The following SEL1L variants were observed in gnomAD, a reference collection of about 807,000 sequenced individuals.
SEL1L encodes the protein protein sel-1 homolog 1.
SEL1L carries 52 observed loss-of-function variants against 109.8 expected under a neutral mutation model. The ratio of observed to expected loss-of-function variants is 0.47; its 90% CI spans 0.38 to 0.60. The LOEUF (loss-of-function observed/expected upper bound fraction) is 0.60, where lower values mean the gene tolerates loss of function less well. Among genes scored for constraint, SEL1L ranks in the 20% least tolerant of loss-of-function variants. The pLI is 0.00. For missense variants in SEL1L, 749 were observed against 962.2 expected, an observed-to-expected ratio of 0.78 and a Z score of 2.93; for synonymous variants, 373 against 339.6, an observed-to-expected ratio of 1.10 and a Z score of -1.08.
chr14:81,531,001 T>A (rs1051814762), intron 1 of SEL1L, among the ~76,000 whole-genome samples: 1 of 152,198 alleles, frequency 6.6e-6, no homozygotes, highest in African/African-American at 2.4e-5. Flanking sequence ...AACATATACC[T>A]GTCTAGGGCA....
At position 81,499,334 on chromosome 14, in the gene SEL1L, T is replaced by C. The variant is rs976519863; in HGVS notation, c.891+125A>G. On this transcript the variant is annotated intron_variant, in intron 8 of 20. Transcript: ENST00000336735. ...CCATTAACAAGAATTTGAAGGAAGTTCAACTGAATATTTGGTCTTAATACA... is the reference window on the plus strand; with the variant it reads ...CCATTAACAAGAATTTGAAGGAAGTCCAACTGAATATTTGGTCTTAATACA... 1.3e-5 allele frequency: 19 copies of C among 1,440,432 alleles called. No individual in the cohort carries two copies. In the East Asian group the frequency reaches 4.7e-4, roughly 35 times the overall value. The allele number at this position is 1,440,432 out of a possible 1,614,324, so 89.2% of individuals were successfully genotyped here.
At position 81,502,781 on chromosome 14, in the gene SEL1L, G is replaced by C. The variant is rs1228316208; in HGVS notation, c.717C>G (p.Ile239Met). Residue 239 changes from isoleucine (I) to methionine (M), a missense_variant, in exon 6 of 21, where the codon ATC (isoleucine) becomes ATG (methionine). This residue lies in a region of SEL1L where 366 missense variants were observed against 399.8 expected (regional missense o/e 0.92). Transcript: ENST00000336735. ...TCTCAAACATCTCTCTCGCTGCCTG[G>C]ATATTCTGTGGCAAGTAATCACCAA... Reference protein sequence around the residue: ...LLFGDYLPQNIQAAREMFEKL... With the variant: ...LLFGDYLPQNMQAAREMFEKL... 1 of 1,614,068 alleles carries C rather than the reference G, an allele frequency of 6.2e-7. No individual in the cohort carries two copies.
intron 14 of SEL1L, chr14:81,488,935 T>C (rs1295870020): frequency 3.1e-6 from 1 of 323,278 alleles, no homozygotes; most frequent in African/African-American, 2.2e-5. Flanking sequence ...CAGGATTGAG[T>C]AAAAAAGCAG....
Position 81,527,722 on chromosome 14 carries a change from C to T in SEL1L, c.87G>A (p.Gln29=). 1.2e-6 allele frequency: 2 copies of T among 1,603,274 alleles called. No homozygotes were observed. Among genetic ancestry groups the T allele is most frequent in the Non-Finnish European group, 1.7e-6 (2 of 1,174,922 alleles). The change falls in exon 2 of 21, where the codon CAG becomes CAA. Residue 29 remains glutamine, a synonymous_variant. Coordinates refer to ENST00000336735, the MANE Select transcript of SEL1L (RefSeq NM_005065.6). The part of the protein sequence containing the change: ...ASASSDEEGS[Q]DESLDSKTTL... ...ATACCTTGGAATCTAAGGATTCATCCTGGCTGCCTTCTTCATCTGCAAAGA... is the reference window on the plus strand; with the variant it reads ...ATACCTTGGAATCTAAGGATTCATCTTGGCTGCCTTCTTCATCTGCAAAGA...
chr14:81,518,712 G>A lies in SEL1L; in HGVS notation c.340+8021C>T, dbSNP rs1884800927. 1.3e-5 allele frequency among the ~76,000 whole-genome samples: 2 copies of A among 149,474 alleles called. 1 individual carries two copies. Among genetic ancestry groups the A allele is most frequent in the South Asian group, 4.2e-4 (2 of 4,788 alleles). On this transcript the variant is annotated intron_variant, in intron 3 of 20. Transcript: ENST00000336735. Reference sequence around the variant, plus strand: ...AAGATTAGAAAGGTTAAAACTTAGGGAGGAAGCCTATTGTTTTTCTAAGAT... The same window carrying A: ...AAGATTAGAAAGGTTAAAACTTAGGAAGGAAGCCTATTGTTTTTCTAAGAT...
chr14:81,488,631 TG>T (rs926364851), intron 14 of SEL1L, among the ~76,000 whole-genome samples: 3 of 152,060 alleles, frequency 2.0e-5, no homozygotes, highest in African/African-American at 7.2e-5. Flanking sequence ...AAGGATGAGA[TG>T]CAATGGCCAA....
chr14:81,484,629 GGT>G (rs1249573897), intron 18 of SEL1L: 12 of 401,746 alleles, frequency 3.0e-5, no homozygotes, highest in South Asian at 4.2e-5. Context: ...AAACCAAGTT[GGT>G]GTGTGTGTAG....
intron 6 of SEL1L, among the ~76,000 whole-genome samples, chr14:81,502,076 T>C (rs936383162): frequency 6.6e-6 from 1 of 151,892 alleles, no homozygotes; most frequent in African/African-American, 2.4e-5. Context: ...AAGAAAATTT[T>C]TGGGTTCAAC....
intron 3 of SEL1L, among the ~76,000 whole-genome samples, chr14:81,516,581 C>T (rs76837087): frequency 0.031 from 4,675 of 152,240 alleles, 249 homozygotes; most frequent in African/African-American, 0.11. Flanking sequence ...AAATTCCGGA[C>T]ACGCCACCAT....
chr14:81,505,352 C>T (rs977228836), intron 4 of SEL1L, among the ~76,000 whole-genome samples: 1 of 152,084 alleles, frequency 6.6e-6, no homozygotes, highest in Non-Finnish European at 1.5e-5. Flanking sequence ...ACAAACATTT[C>T]ATTAGAACCA....
chr14:81,489,338 A>G lies in SEL1L; in HGVS notation c.1333-24T>C, dbSNP rs748782749. On this transcript the variant is annotated intron_variant, in intron 13 of 20. Coordinates refer to ENST00000336735, the MANE Select transcript of SEL1L (RefSeq NM_005065.6). The stretch of plus-strand genomic sequence containing the variant: ...CCCTGCAAAGCAGAGAAATCAGACA[A>G]AAGAGTGAAAAGAATTCATTCAAAA... The G allele has an allele frequency of 5.0e-6, 8 of 1,592,046 alleles. No individual in the cohort carries two copies. The East Asian group carries it at 1.3e-4, about 27-fold the overall frequency.
intron 14 of SEL1L, 46 bp downstream of exon 14, chr14:81,489,206 C>T (rs779724881): frequency 6.5e-7 from 1 of 1,540,824 alleles, no homozygotes; most frequent in South Asian, 1.1e-5. Flanking sequence ...CCCTACCTCT[C>T]CAGCTGACTG....
chr14:81,504,491 A>G (rs1365724050), intron 4 of SEL1L, among the ~76,000 whole-genome samples, 185 bp from the exon 5 acceptor site: 3 of 151,776 alleles, frequency 2.0e-5, no homozygotes, highest in Non-Finnish European at 4.4e-5. Flanking sequence ...AAAAAAATAT[A>G]TATATATATA....
intron 10 of SEL1L, among the ~76,000 whole-genome samples, chr14:81,496,256 G>A (rs955788900): frequency 1.1e-4 from 16 of 151,872 alleles, no homozygotes; most frequent in South Asian, 4.1e-4. Flanking sequence ...CCTGGGAGGC[G>A]GGGCTTGCAG....
intron 1 of SEL1L, among the ~76,000 whole-genome samples, chr14:81,529,098 G>A (rs922824308): frequency 4.6e-5 from 7 of 152,074 alleles, no homozygotes; most frequent in African/African-American, 1.7e-4. Context: ...TTTTACTTCT[G>A]GCAGGTGGAG....
chr14:81,502,790 T>G lies in SEL1L; in HGVS notation c.708A>C (p.Pro236=), dbSNP rs761440418. The G allele has an allele frequency of 1.9e-5, 30 of 1,614,062 alleles. No homozygotes were observed. The highest frequency in any genetic ancestry group is 2.4e-5 in the Non-Finnish European group (28 of 1,180,020). The part of the protein sequence containing the change: ...SYALLFGDYL[P]QNIQAAREMF... ...TCTCTCTCGCTGCCTGGATATTCTGTGGCAAGTAATCACCAAATAAAAGAG... is the reference window on the plus strand; with the variant it reads ...TCTCTCTCGCTGCCTGGATATTCTGGGGCAAGTAATCACCAAATAAAAGAG... Residue 236 remains proline, a synonymous_variant, in exon 6 of 21, where the codon CCA becomes CCC. Transcript: ENST00000336735.
At chr14:81,527,011 C>T (rs768460815) in intron 2 of SEL1L, 47 bp from the exon 3 acceptor site, 8 of 1,392,090 alleles carry the variant, frequency 5.7e-6, no homozygotes, top group Admixed American at 5.3e-5. Flanking sequence ...CAAGACTTTC[C>T]CCAACCCTAT....
rs1171273109 is a variant in SEL1L at position 81,533,728 on chromosome 14, C to T, written c.17G>A (p.Gly6Glu). Reference sequence around the variant, plus strand: ...CACCGCACACAGCAGCAGCGTCAGCCCTATCCGGACCCGCATCCTCCTCTC... The same window carrying T: ...CACCGCACACAGCAGCAGCGTCAGCTCTATCCGGACCCGCATCCTCCTCTC... MRVRIGLTLLLCAVLL... is the reference protein window; with the variant it reads MRVRIELTLLLCAVLL... Residue 6 changes from glycine to glutamate, a missense_variant, in exon 1 of 21, where the codon GGG becomes GAG. Gly to Glu is a moderately conservative substitution (Grantham distance 98). Coordinates refer to ENST00000336735, the MANE Select transcript of SEL1L (RefSeq NM_005065.6). 16 of 1,613,442 alleles carry T rather than the reference C, an allele frequency of 9.9e-6. No individual in the cohort carries two copies. The highest frequency in any genetic ancestry group is 3.3e-5 in the South Asian group (3 of 91,068).
Position 81,486,374 on chromosome 14 carries a change from G to A in SEL1L, c.1713C>T (p.Tyr571=), listed in dbSNP as rs765990971. Residue 571 remains tyrosine, a synonymous_variant, in exon 17 of 21, where the codon TAC becomes TAT. Transcript: ENST00000336735. ...TAYNSYKDGD[Y]NAAVIQYLLL... The stretch of plus-strand genomic sequence containing the variant: ...GGAGGTACTGGATCACTGCAGCATT[G>A]TAATCGCCATCTTTATAGCTGTTAT... The A allele has an allele frequency of 3.0e-5, 48 of 1,613,952 alleles. No individual in the cohort carries two copies. The highest frequency in any genetic ancestry group is 4.0e-5 in the Non-Finnish European group (47 of 1,179,998).
Sources: gnomAD v4.1 joint callset for allele counts (sites outside exome capture counted in the v4.1 genomes callset) on GRCh38, gnomAD v4.1.1 for gene constraint, gnomAD v4.1.1 regional missense constraint, MANE v1.5 for transcripts, NCBI Gene and HGNC (gene_info 2026-07-23, HGNC 2026-07-21) for gene names.